SNAP29: variants seen among roughly 807,000 people sequenced by gnomAD.
SNAP29 encodes the protein synaptosome associated protein 29.
SNAP29 carries 13 observed loss-of-function variants against 27.9 expected under a neutral mutation model. The observed-to-expected ratio is 0.47, with a 90% CI of 0.30 to 0.74. SNAP29 has a LOEUF of 0.74. SNAP29 is among the 30% of genes least tolerant of loss of function. The pLI is 0.06. For synonymous variants in SNAP29, 119 were observed against 127.1 expected, an observed-to-expected ratio of 0.94 and a Z score of 0.43; for missense variants, 368 against 336.5, an observed-to-expected ratio of 1.09 and a Z score of -0.73.
At position 20,870,416 on chromosome 22, in the gene SNAP29, A is replaced by G. The variant is rs766491592; in HGVS notation, c.317A>G (p.Gln106Arg). ...DKMDQDLKIS[Q>R]KHINSIKSVF... ...ATGGACCAAGATTTGAAGATCAGCC[A>G]GAAACACATCAATAGCATTAAGAGC... The change falls in exon 2 of 5, where the codon CAG (glutamine) becomes CGG (arginine). Residue 106 changes from glutamine (Q) to arginine (R), a missense_variant. Coordinates refer to ENST00000215730, the MANE Select transcript of SNAP29 (RefSeq NM_004782.4). 6.2e-7 allele frequency: 1 copy of G among 1,614,214 alleles called. No individual in the cohort carries two copies. Among genetic ancestry groups the G allele is most frequent in the Admixed American group, 1.7e-5 (1 of 60,022 alleles).
intron 1 of SNAP29, among the ~76,000 whole-genome samples, chr22:20,861,524 A>C (rs1601643553): frequency 7.1e-6 from 1 of 140,600 alleles, no homozygotes; most frequent in Non-Finnish European, 1.6e-5. Flanking sequence ...TGCAACCTCC[A>C]CCTCCCCAGT....
chr22:20,872,249 A>G (rs6004700), intron 2 of SNAP29, among the ~76,000 whole-genome samples: 2 of 150,362 alleles, frequency 1.3e-5, no homozygotes, highest in Non-Finnish European at 3.0e-5. Flanking sequence ...TTATTTATTT[A>G]TTTTTTTTGA....
At chr22:20,869,056 C>G (rs941931409) in intron 1 of SNAP29, among the ~76,000 whole-genome samples, 4 of 152,070 alleles carry the variant, frequency 2.6e-5, no homozygotes, top group Non-Finnish European at 5.9e-5. Context: ...GCGGGTGGTT[C>G]GAGACCAGCC....
In SNAP29 at chr22:20,879,496, G is replaced by A. The variant is rs201240718; in HGVS notation, c.435-1553G>A. 1.1e-4 allele frequency among the ~76,000 whole-genome samples: 17 copies of A among 151,928 alleles called. No homozygotes were observed. The East Asian group carries it at 2.7e-3, about 24-fold the overall frequency. ...GGAGGTTGCAGTAAATCGAGATCAC[G>A]CCACTGCACTCCAGCCTGGGCAACA... On this transcript the variant is annotated intron_variant, in intron 2 of 4. Transcript: ENST00000215730.
rs184143707 is a variant in SNAP29 at position 20,880,462 on chromosome 22, C to T, written c.435-587C>T. Among the ~76,000 whole-genome samples, 52 of 150,932 alleles carry T rather than the reference C, an allele frequency of 3.4e-4. No individual in the cohort carries two copies. The East Asian group carries it at 4.5e-3, about 13-fold the overall frequency. ...CAGAGGTTGCAGTGAGCCAAGATCA[C>T]GCCACTGCACTCCAGCCTGGGTGAC... On this transcript the variant is annotated intron_variant, in intron 2 of 4. Coordinates refer to ENST00000215730, the MANE Select transcript of SNAP29 (RefSeq NM_004782.4).
intron 2 of SNAP29, among the ~76,000 whole-genome samples, chr22:20,874,935 C>A (rs1395530140): frequency 6.6e-6 from 1 of 152,050 alleles, no homozygotes; most frequent in Admixed American, 6.6e-5. Flanking sequence ...GCAGAGTGAG[C>A]CCTTGGAGGA....
chr22:20,888,015 T>G lies in SNAP29; in HGVS notation c.*179T>G, dbSNP rs1929060856. The G allele has an allele frequency of 4.6e-6, 3 of 658,128 alleles. No homozygotes were observed. Among genetic ancestry groups the G allele is most frequent in the Non-Finnish European group, 7.9e-6 (3 of 380,588 alleles). 40.8% of individuals were successfully genotyped at this position (658,128 alleles called of 1,614,324 possible). ...AGGAAGTGTTTGTCCCACATTTTCC[T>G]AGGGTTAACACCTCACCAAGTTCTT... On this transcript the variant is annotated 3_prime_UTR_variant, in exon 5 of 5. Coordinates refer to ENST00000215730, the MANE Select transcript of SNAP29 (RefSeq NM_004782.4).
chr22:20,879,532 CTG>C (rs1928838069), intron 2 of SNAP29, among the ~76,000 whole-genome samples: 1 of 151,818 alleles, frequency 6.6e-6, no homozygotes, highest in Admixed American at 6.6e-5. Context: ...GAGCAAGACT[CTG>C]TCTCAAAAAG....
intron 1 of SNAP29, among the ~76,000 whole-genome samples, chr22:20,863,634 G>T (rs117831705): frequency 6.0e-4 from 91 of 152,056 alleles, no homozygotes; most frequent in Non-Finnish European, 1.2e-3. Flanking sequence ...TAAGCCACTC[G>T]TCTCTTTCCC....
At chr22:20,886,669 T>G in intron 4 of SNAP29, among the ~76,000 whole-genome samples, 1 of 151,602 alleles carries the variant, frequency 6.6e-6, no homozygotes. Flanking sequence ...TGGAGTGCAG[T>G]GCATTGATCT....
rs1043955349 is a variant in SNAP29 at position 20,887,966 on chromosome 22, T to C, written c.*130T>C. 2.2e-6 allele frequency: 2 copies of C among 919,492 alleles called. No homozygotes were observed. The highest frequency in any genetic ancestry group is 3.4e-6 in the Non-Finnish European group (2 of 589,222). The allele number at this position is 919,492 out of a possible 1,614,324, so 57.0% of individuals were successfully genotyped here. ...TTTGCAAATGTTATAATAGAGTAGG[T>C]CTTAAGACATTTTTGCTGTTATAAG... is the stretch of plus-strand genomic sequence containing the variant. On this transcript the variant is annotated 3_prime_UTR_variant, in exon 5 of 5. Transcript: ENST00000215730.
At chr22:20,859,399 C>A (rs745973050) in intron 1 of SNAP29, 52 bp downstream of exon 1, 2 of 1,263,574 alleles carry the variant, frequency 1.6e-6, no homozygotes, top group Non-Finnish European at 2.3e-6. Flanking sequence ...TGCTGTCAAA[C>A]GGAGACGAGA....
At chr22:20,874,796 T>C (rs570550434) in intron 2 of SNAP29, among the ~76,000 whole-genome samples, 90 of 150,170 alleles carry the variant, frequency 6.0e-4, no homozygotes, top group African/African-American at 2.2e-3. Context: ...TTTTTTGTTG[T>C]TTTTTTTTCA....
intron 1 of SNAP29, among the ~76,000 whole-genome samples, chr22:20,861,188 G>A (rs765920792): frequency 1.4e-5 from 2 of 139,324 alleles, no homozygotes; most frequent in Non-Finnish European, 3.0e-5. Context: ...CACCAACTTG[G>A]CTCACTACAG....
At chr22:20,880,345 G>A (rs1047206509) in intron 2 of SNAP29, among the ~76,000 whole-genome samples, 3 of 151,928 alleles carry the variant, frequency 2.0e-5, no homozygotes, top group African/African-American at 7.3e-5. Context: ...TGAAAATACA[G>A]AAATTAGCTG....
intron 2 of SNAP29, among the ~76,000 whole-genome samples, chr22:20,874,716 A>G (rs958212600): frequency 6.6e-6 from 1 of 151,882 alleles, no homozygotes; most frequent in Non-Finnish European, 1.5e-5. Flanking sequence ...CATAATCACC[A>G]TTCTGGGTTC....
At chr22:20,886,951 C>T (rs569346353) in intron 4 of SNAP29, among the ~76,000 whole-genome samples, 1 of 151,864 alleles carries the variant, frequency 6.6e-6, no homozygotes, top group African/African-American at 2.4e-5. Context: ...TGGCCGGGCG[C>T]GGTGGCTCAC....
At position 20,887,567 on chromosome 22, in the gene SNAP29, C is replaced by A. The variant is rs899129613; in HGVS notation, c.620-112C>A. 7 of 1,120,182 alleles carry A rather than the reference C, an allele frequency of 6.2e-6. No homozygotes were observed. The Admixed American group carries it at 6.8e-5, about 11-fold the overall frequency. The allele number at this position is 1,120,182 out of a possible 1,614,324, so 69.4% of individuals were successfully genotyped here. The stretch of plus-strand genomic sequence containing the variant: ...GACTCATCTCTGCAGTGGGTGCAGT[C>A]CCCCCAGGCAACACAGATCCCTGTC... On this transcript the variant is annotated intron_variant, in intron 4 of 4. Transcript: ENST00000215730.
chr22:20,887,625 T>C, intron 4 of SNAP29, 54 bp from the exon 5 acceptor site: 1 of 1,602,786 alleles, frequency 6.2e-7, no homozygotes, highest in Non-Finnish European at 8.5e-7. Flanking sequence ...AAGAAGCATT[T>C]GCAGGTGCCG....
Sources: allele counts gnomAD v4.1 joint callset (sites outside exome capture counted in the v4.1 genomes callset), GRCh38; gene constraint gnomAD v4.1.1; transcripts MANE v1.5; gene names NCBI Gene and HGNC (gene_info 2026-07-23, HGNC 2026-07-21).